The following SCARA3 variants were observed in gnomAD, a reference collection of about 807,000 sequenced individuals.
SCARA3 encodes the protein cellular stress response gene protein.
A neutral mutation model predicts 47.0 loss-of-function variants in SCARA3; 39 were observed. That is an observed-to-expected ratio of 0.83 (90% CI 0.64 to 1.08). The LOEUF (loss-of-function observed/expected upper bound fraction) is 1.08, where lower values mean the gene tolerates loss of function less well. Ranked by LOEUF, SCARA3 falls within the 50% of genes least tolerant of loss-of-function variation. The pLI is 0.00. For synonymous variants in SCARA3, 356 were observed against 334.1 expected (o/e 1.07, Z -0.71); for missense variants, 724 against 792.3 (o/e 0.91, Z 1.04).
At chr8:27,730,231 A>G in the SCARA3 span, among the ~76,000 whole-genome samples, 1 of 152,230 alleles carries the variant, frequency 6.6e-6, no homozygotes, top group Non-Finnish European at 1.5e-5. Context: ...CTGTGTCCAA[A>G]TAGAGGCCCG....
chr8:27,681,797 A>C, the SCARA3 span, among the ~76,000 whole-genome samples: 5 of 152,230 alleles, frequency 3.3e-5, no homozygotes, highest in African/African-American at 9.6e-5. Context: ...AGCCAGACTA[A>C]ATGGCGATAT....
the SCARA3 span, among the ~76,000 whole-genome samples, chr8:27,729,360 A>C: frequency 6.6e-6 from 1 of 152,184 alleles, no homozygotes; most frequent in South Asian, 2.1e-4. Context: ...GATGTGAGCC[A>C]CTTTCCTCAC....
At chr8:27,651,961 C>T (rs1040814844) in intron 3 of SCARA3, among the ~76,000 whole-genome samples, 8 of 152,204 alleles carry the variant, frequency 5.3e-5, no homozygotes, top group Non-Finnish European at 7.3e-5. Context: ...GGCCCCACCC[C>T]GATCGTGGAA....
At chr8:27,726,151 CAT>C in the SCARA3 span, among the ~76,000 whole-genome samples, 5 of 152,280 alleles carry the variant, frequency 3.3e-5, no homozygotes, top group African/African-American at 1.2e-4. Context: ...ACAAAGGAAA[CAT>C]AGAAGCACTT....
intron 5 of SCARA3, 51 bp downstream of exon 5, chr8:27,659,590 G>A: frequency 2.0e-6 from 3 of 1,488,420 alleles, no homozygotes; most frequent in East Asian, 2.4e-5. Flanking sequence ...CTGAGGCTTG[G>A]TGATCTTGCT....
intron 3 of SCARA3, among the ~76,000 whole-genome samples, chr8:27,653,199 G>A (rs918279343): frequency 1.3e-5 from 2 of 152,206 alleles, no homozygotes. Flanking sequence ...ACAGGATCAG[G>A]CCCAGAGAAG....
intron 5 of SCARA3, among the ~76,000 whole-genome samples, chr8:27,664,119 G>A (rs571124): frequency 5.3e-5 from 8 of 152,160 alleles, no homozygotes; most frequent in African/African-American, 1.7e-4. Flanking sequence ...AATTTTCATC[G>A]AATTTATTTC....
At chr8:27,658,421 A>G in intron 4 of SCARA3, 75 bp from the exon 5 acceptor site, 1 of 1,371,988 alleles carries the variant, frequency 7.3e-7, no homozygotes, top group Non-Finnish European at 9.9e-7. Flanking sequence ...TTATGCTCTG[A>G]AATATTTAAT....
intron 1 of SCARA3, among the ~76,000 whole-genome samples, chr8:27,635,184 G>A (rs932325896): frequency 5.9e-5 from 9 of 152,180 alleles, no homozygotes; most frequent in African/African-American, 1.9e-4. Flanking sequence ...AGGTGGAAGA[G>A]GTGGGGCCAG....
chr8:27,709,819 C>G, the SCARA3 span, among the ~76,000 whole-genome samples: 1 of 152,186 alleles, frequency 6.6e-6, no homozygotes, highest in Admixed American at 6.5e-5. Flanking sequence ...CCCACTATCC[C>G]CACTTCCTTT....
At chr8:27,723,532 T>C in the SCARA3 span, among the ~76,000 whole-genome samples, 4 of 152,204 alleles carry the variant, frequency 2.6e-5, no homozygotes, top group Admixed American at 6.5e-5. Flanking sequence ...TACCACGTTC[T>C]GGAAGCCAAT....
the SCARA3 span, among the ~76,000 whole-genome samples, chr8:27,690,647 A>G: frequency 6.6e-6 from 1 of 152,214 alleles, no homozygotes; most frequent in Admixed American, 6.5e-5. Context: ...TTTAAAAAGC[A>G]ATGTGCAAAA....
intron 1 of SCARA3, among the ~76,000 whole-genome samples, chr8:27,639,280 G>A (rs1265573371): frequency 3.9e-5 from 6 of 152,160 alleles, no homozygotes; most frequent in Non-Finnish European, 7.3e-5. Flanking sequence ...GAAATAAGAC[G>A]TGCACACCTG....
At chr8:27,722,858 C>T in the SCARA3 span, among the ~76,000 whole-genome samples, 1 of 152,212 alleles carries the variant, frequency 6.6e-6, no homozygotes, top group African/African-American at 2.4e-5. Flanking sequence ...CTTTCTCCAA[C>T]AGGGTATCCC....
At chr8:27,650,325 G>A (rs1221878218) in intron 2 of SCARA3, among the ~76,000 whole-genome samples, 1 of 152,120 alleles carries the variant, frequency 6.6e-6, no homozygotes, top group Admixed American at 6.6e-5. Context: ...AGTGCCACCT[G>A]TCTCCTGGGG....
Position 27,638,008 on chromosome 8 carries a change from C to T in SCARA3, c.7+3801C>T, listed in dbSNP as rs35677061. Among the ~76,000 whole-genome samples the T allele has an allele frequency of 6.4e-3, 981 of 152,136 alleles. 16 individuals are homozygous for T. The highest frequency in any genetic ancestry group is 0.022 in the African/African-American group (924 of 41,500). On this transcript the variant is annotated intron_variant, in intron 1 of 5. Transcript: ENST00000301904. ...TAACTGAGGGGTCCAGGGAGCCCAG[C>T]GGCTCAGATGTTGGAGTTCGGCTCC...
At chr8:27,724,899 A>G in the SCARA3 span, among the ~76,000 whole-genome samples, 1 of 152,256 alleles carries the variant, frequency 6.6e-6, no homozygotes, top group South Asian at 2.1e-4. Flanking sequence ...TTCCAACTAG[A>G]TGTCTTTGAC....
chr8:27,724,490 G>A, the SCARA3 span, among the ~76,000 whole-genome samples: 2 of 152,020 alleles, frequency 1.3e-5, no homozygotes, highest in African/African-American at 2.4e-5. Context: ...GAATTCTGTC[G>A]CTACTAAAAA....
At chr8:27,722,441 C>T in the SCARA3 span, among the ~76,000 whole-genome samples, 2 of 152,070 alleles carry the variant, frequency 1.3e-5, no homozygotes, top group African/African-American at 4.8e-5. Context: ...TCAGATTCAC[C>T]CCATAGAATG....
Sources: gnomAD v4.1 joint callset for allele counts (sites outside exome capture counted in the v4.1 genomes callset) on GRCh38, gnomAD v4.1.1 for gene constraint, MANE v1.5 for transcripts, NCBI Gene and HGNC (gene_info 2026-07-23, HGNC 2026-07-21) for gene names.